Variants in RSU1 observed in about 807,000 individuals in gnomAD.
RSU1 encodes the protein Ras suppressor protein 1.
In RSU1, 26 loss-of-function variants were observed where a neutral mutation model predicts 31.1. The observed-to-expected ratio is 0.84, with a 90% CI of 0.61 to 1.16. The LOEUF is 1.16. Among genes scored for constraint, RSU1 ranks in the 50% most tolerant of loss-of-function variants. The pLI is 0.00. For synonymous variants in RSU1, 164 were observed against 136.3 expected, an observed-to-expected ratio of 1.20 and a Z score of -1.41; for missense variants, 320 against 339.1, an observed-to-expected ratio of 0.94 and a Z score of 0.44.
At chr10:16,800,618 A>G (rs10904819) in intron 2 of RSU1, among the ~76,000 whole-genome samples, 59,547 of 152,102 alleles carry the variant, frequency 0.39, 14,487 homozygotes, top group African/African-American at 0.7. Flanking sequence ...CGTAACAGGC[A>G]TGTTGGTTGA....
At chr10:16,756,716 G>A (rs916656532) in intron 4 of RSU1, among the ~76,000 whole-genome samples, 6 of 152,100 alleles carry the variant, frequency 3.9e-5, no homozygotes, top group South Asian at 2.1e-4. Flanking sequence ...AAGATTTTTC[G>A]GAGTCAAAAG....
In RSU1 at chr10:16,757,241, A is replaced by T. The variant is rs1265333246; in HGVS notation, c.282-2252T>A. Among the ~76,000 whole-genome samples the T allele has an allele frequency of 2.6e-5, 4 of 152,036 alleles. No individual in the cohort carries two copies. In the East Asian group the frequency reaches 7.7e-4, roughly 29 times the overall value. ...TCCCTTTGAGCATACTTAAAAGCCA[A>T]TTTTTAAAAAAAAAATTTAATAAAA... On this transcript the variant is annotated intron_variant, in intron 4 of 8. Coordinates refer to ENST00000345264, the MANE Select transcript of RSU1 (RefSeq NM_012425.4).
intron 8 of RSU1, among the ~76,000 whole-genome samples, chr10:16,615,687 C>T (rs1159751747): frequency 2.6e-5 from 4 of 152,186 alleles, no homozygotes; most frequent in Non-Finnish European, 5.9e-5. Flanking sequence ...GTCTGTCAGA[C>T]CACAGTGCAA....
At chr10:16,655,915 T>C (rs746552749) in intron 8 of RSU1, among the ~76,000 whole-genome samples, 3 of 152,206 alleles carry the variant, frequency 2.0e-5, no homozygotes, top group Non-Finnish European at 1.5e-5. Flanking sequence ...TACTGCTGTG[T>C]TCTGGAGCTG....
At chr10:16,695,886 A>C (rs1433169486) in intron 7 of RSU1, among the ~76,000 whole-genome samples, 7 of 152,204 alleles carry the variant, frequency 4.6e-5, no homozygotes, top group Non-Finnish European at 1.0e-4. Flanking sequence ...GTGTCTGGTG[A>C]GGCCATCAGG....
chr10:16,625,979 G>A (rs1211965936), intron 8 of RSU1, among the ~76,000 whole-genome samples: 1 of 152,140 alleles, frequency 6.6e-6, no homozygotes, highest in South Asian at 2.1e-4. Context: ...AAACACTGGG[G>A]CATGGTATTA....
At chr10:16,813,383 C>T (rs1432270771) in intron 2 of RSU1, among the ~76,000 whole-genome samples, 1 of 152,142 alleles carries the variant, frequency 6.6e-6, no homozygotes, top group East Asian at 1.9e-4. Context: ...CTTACCCAGT[C>T]GAGTTAACAA....
chr10:16,809,509 C>G (rs755177629), intron 2 of RSU1, among the ~76,000 whole-genome samples: 13 of 152,192 alleles, frequency 8.5e-5, no homozygotes, highest in Non-Finnish European at 1.9e-4. Context: ...AACACAGAGG[C>G]TCAACACTGA....
At chr10:16,617,634 C>T (rs1588676823) in intron 8 of RSU1, among the ~76,000 whole-genome samples, 2 of 152,270 alleles carry the variant, frequency 1.3e-5, no homozygotes, top group East Asian at 1.9e-4. Flanking sequence ...GGTATCAAAA[C>T]AGATATATAG....
chr10:16,650,188 T>C, intron 8 of RSU1, among the ~76,000 whole-genome samples: 1 of 152,224 alleles, frequency 6.6e-6, no homozygotes, highest in East Asian at 1.9e-4. Flanking sequence ...AGACTATCTC[T>C]AGCTCACTGA....
chr10:16,664,024 CT>C (rs1834939290), intron 8 of RSU1, among the ~76,000 whole-genome samples: 1 of 152,058 alleles, frequency 6.6e-6, no homozygotes, highest in South Asian at 2.1e-4. Flanking sequence ...ACAGAAGGGA[CT>C]AGGGTTAAAT....
intron 7 of RSU1, among the ~76,000 whole-genome samples, chr10:16,722,831 CACATATATGTATATATACACACATATAT>C (rs201971639): frequency 6.3e-4 from 76 of 121,274 alleles, no homozygotes; most frequent in Middle Eastern, 9.0e-3. Flanking sequence ...TGTATACAGC[CACATATATGTATATATACACACATATAT>C]ACATATATGT....
chr10:16,745,954 A>T (rs1836844625), intron 7 of RSU1, among the ~76,000 whole-genome samples: 1 of 152,238 alleles, frequency 6.6e-6, no homozygotes, highest in Non-Finnish European at 1.5e-5. Context: ...TTAATTGACC[A>T]AACAAATACT....
intron 8 of RSU1, among the ~76,000 whole-genome samples, chr10:16,650,893 A>G (rs1474218493): frequency 1.3e-5 from 2 of 152,086 alleles, no homozygotes; most frequent in African/African-American, 2.4e-5. Context: ...AAAACTTTCA[A>G]TGTTTTTATC....
rs796341801 is a variant in RSU1 at position 16,645,934 on chromosome 10, ATGTG to A, written c.731+49085_731+49088del. Among the ~76,000 whole-genome samples, 25 of 17,218 alleles carry A rather than the reference ATGTG, an allele frequency of 1.5e-3. 6 individuals are homozygous for A. The highest frequency in any genetic ancestry group is 3.2e-3 in the African/African-American group (22 of 6,794). 11.3% of individuals were successfully genotyped at this position (17,218 alleles called of 152,430 possible). A position where few individuals can be genotyped will look rare whatever the true frequency, so the allele number is the denominator to read the frequency against. On this transcript the variant is annotated intron_variant, in intron 8 of 8. Coordinates refer to ENST00000345264, the MANE Select transcript of RSU1 (RefSeq NM_012425.4). The stretch of plus-strand genomic sequence containing the variant: ...TGTATATATATGTGTATATACACAT[ATGTG>A]TATATATATGTGTATATACATATAT...
In RSU1 at chr10:16,646,985, T is replaced by TG. The variant is rs796864422; in HGVS notation, c.731+48037_731+48038insC. Reference sequence around the variant, plus strand: ...AGGATGTGGAGGTACTGCAACTTTTTTTTTTTTTTTTGAGATGGAGTCTCT... The same window carrying TG: ...AGGATGTGGAGGTACTGCAACTTTTTGTTTTTTTTTTTGAGATGGAGTCTCT... On this transcript the variant is annotated intron_variant, in intron 8 of 8. Transcript: ENST00000345264. Among the ~76,000 whole-genome samples the TG allele has an allele frequency of 5.9e-3, 884 of 149,642 alleles. 9 individuals are homozygous for TG. Among genetic ancestry groups the TG allele is most frequent in the African/African-American group, 0.022 (841 of 39,112 alleles).
intron 7 of RSU1, among the ~76,000 whole-genome samples, chr10:16,714,500 C>G (rs534451500): frequency 1.3e-5 from 2 of 152,120 alleles, no homozygotes; most frequent in East Asian, 3.9e-4. Context: ...ATGGATGCAC[C>G]GCGCTTGGTG....
chr10:16,722,960 A>G (rs1162813725), intron 7 of RSU1: 1 of 150,366 alleles, frequency 6.7e-6, no homozygotes, highest in Non-Finnish European at 1.5e-5. Context: ...ATATACACAC[A>G]TATACATATA....
chr10:16,778,146 C>G (rs1199326707), intron 3 of RSU1, among the ~76,000 whole-genome samples: 1 of 151,524 alleles, frequency 6.6e-6, no homozygotes, highest in Non-Finnish European at 1.5e-5. Flanking sequence ...ACAGCCTCCA[C>G]AGTAGCTGAG....
Sources: gnomAD v4.1 joint callset for allele counts (sites outside exome capture counted in the v4.1 genomes callset) on GRCh38, gnomAD v4.1.1 for gene constraint, MANE v1.5 for transcripts, NCBI Gene and HGNC (gene_info 2026-07-23, HGNC 2026-07-21) for gene names.